GAREM1: variants seen among roughly 807,000 people sequenced by gnomAD.
GAREM1 encodes the protein GRB2 associated regulator of MAPK1 subtype 1, also known as GRB2-associated and regulator of MAPK protein 1.
Under a neutral mutation model 71.3 loss-of-function variants are expected in GAREM1, and 26 were observed. The ratio of observed to expected loss-of-function variants is 0.36; its 90% CI spans 0.27 to 0.51. The LOEUF is 0.51. GAREM1 is among the 20% of genes least tolerant of loss of function. GAREM1 has a pLI of 0.95. For synonymous variants in GAREM1, 440 were observed against 433.2 expected, an observed-to-expected ratio of 1.02 and a Z score of -0.20; for missense variants, 1,026 against 1,103.1, an observed-to-expected ratio of 0.93 and a Z score of 0.99.
At chr18:32,282,348 C>T (rs912195613) in intron 4 of GAREM1, among the ~76,000 whole-genome samples, 1 of 152,160 alleles carries the variant, frequency 6.6e-6, no homozygotes, top group Non-Finnish European at 1.5e-5. Flanking sequence ...ATCGCTTGAA[C>T]CCAGGAGGTG....
At chr18:32,275,827 T>A (rs1044633868) in intron 4 of GAREM1, among the ~76,000 whole-genome samples, 35 of 152,136 alleles carry the variant, frequency 2.3e-4, no homozygotes, top group African/African-American at 8.4e-4. Context: ...TACAAGCATG[T>A]ACCACCACGC....
chr18:32,311,965 T>C (rs1164469975), intron 2 of GAREM1, among the ~76,000 whole-genome samples: 2 of 152,184 alleles, frequency 1.3e-5, no homozygotes, highest in African/African-American at 2.4e-5. Flanking sequence ...AGGTATGACA[T>C]GGCAGGGGCT....
intron 1 of GAREM1, among the ~76,000 whole-genome samples, chr18:32,457,985 A>G (rs940597486): frequency 2.0e-5 from 3 of 152,066 alleles, no homozygotes; most frequent in Non-Finnish European, 1.5e-5. Context: ...ATGACATTCA[A>G]ACTATCACAT....
Position 32,336,167 on chromosome 18 carries a change from A to T in GAREM1, c.263-25844T>A, listed in dbSNP as rs188449648. ...TACAGTAGGCCGGGCACGGTGGCTC[A>T]CACCTGTAATCCTAGCACTTTGGGA... On this transcript the variant is annotated intron_variant, in intron 2 of 5. Transcript: ENST00000269209. Among the ~76,000 whole-genome samples, 40 of 152,322 alleles carry T rather than the reference A, an allele frequency of 2.6e-4. 2 individuals carry two copies. The Middle Eastern group carries it at 0.031, about 117-fold the overall frequency.
chr18:32,435,410 T>C (rs1568010477), intron 1 of GAREM1, among the ~76,000 whole-genome samples: 1 of 152,148 alleles, frequency 6.6e-6, no homozygotes, highest in Admixed American at 6.6e-5. Context: ...AAACTCTATT[T>C]TTCTAATTCC....
chr18:32,436,645 C>T (rs1008811359), intron 1 of GAREM1, among the ~76,000 whole-genome samples: 2 of 152,080 alleles, frequency 1.3e-5, no homozygotes, highest in Non-Finnish European at 1.5e-5. Context: ...AAGCATATCA[C>T]CTTATTTGTA....
At chr18:32,429,096 A>G (rs1344697313) in intron 1 of GAREM1, among the ~76,000 whole-genome samples, 2 of 152,166 alleles carry the variant, frequency 1.3e-5, no homozygotes, top group Non-Finnish European at 2.9e-5. Context: ...GGGAGGGGGA[A>G]CGGGCAAGGT....
chr18:32,363,084 T>G (rs1157553868), intron 2 of GAREM1, among the ~76,000 whole-genome samples: 2 of 152,192 alleles, frequency 1.3e-5, no homozygotes, highest in Non-Finnish European at 2.9e-5. Context: ...GGGTTTAGTT[T>G]TGAATCCAAA....
chr18:32,372,352 T>C (rs1199811928), intron 2 of GAREM1, among the ~76,000 whole-genome samples: 1 of 152,216 alleles, frequency 6.6e-6, no homozygotes, highest in African/African-American at 2.4e-5. Context: ...AATGCTTCTA[T>C]GTGACGCACA....
intron 2 of GAREM1, among the ~76,000 whole-genome samples, chr18:32,311,640 C>T (rs956656955): frequency 8.6e-5 from 13 of 152,038 alleles, no homozygotes; most frequent in African/African-American, 2.9e-4. Flanking sequence ...TTAGAGGTCT[C>T]GGAATTCTAA....
intron 2 of GAREM1, among the ~76,000 whole-genome samples, chr18:32,340,723 G>C (rs1005548738): frequency 6.6e-6 from 1 of 152,130 alleles, no homozygotes; most frequent in Non-Finnish European, 1.5e-5. Flanking sequence ...TGGATGCTAG[G>C]TACTTCCTAA....
chr18:32,469,012 T>C (rs1345707991), intron 1 of GAREM1, among the ~76,000 whole-genome samples: 1 of 112,616 alleles, frequency 8.9e-6, no homozygotes, highest in Non-Finnish European at 1.7e-5. Context: ...TGATCTGCAC[T>C]TCATTACTAG....
chr18:32,383,215 G>A (rs138226061), intron 2 of GAREM1, among the ~76,000 whole-genome samples: 65 of 152,282 alleles, frequency 4.3e-4, no homozygotes, highest in African/African-American at 1.4e-3. Context: ...ACACAGACAC[G>A]TCTGAATCAT....
intron 1 of GAREM1, chr18:32,412,916 C>T: frequency 1.0e-6 from 1 of 976,048 alleles, no homozygotes; most frequent in Non-Finnish European, 1.6e-6. Flanking sequence ...AGACAGCTCT[C>T]TTTGGTTCCA....
chr18:32,324,495 T>C (rs562342131), intron 2 of GAREM1, among the ~76,000 whole-genome samples: 1 of 152,272 alleles, frequency 6.6e-6, no homozygotes, highest in South Asian at 2.1e-4. Context: ...GAGATTTAGT[T>C]TTTAACCTGT....
intron 2 of GAREM1, among the ~76,000 whole-genome samples, chr18:32,361,871 T>C (rs2047869036): frequency 6.6e-6 from 1 of 152,332 alleles, no homozygotes; most frequent in Middle Eastern, 3.4e-3. Flanking sequence ...TTTGGAGACA[T>C]ATGTACCAGG....
rs758656351 is a variant in GAREM1 at position 32,267,961 on chromosome 18, C to G, written c.2541G>C (p.Thr847=). ...TGAAATCCTCTGAGAGGATTTCTTC[C>G]GTTAGCTGAACAAGCAGGTTCCCAT... ...KIDGNLLVQL[T]EEILSEDFKL... Residue 847 remains threonine, a synonymous_variant, in exon 6 of 6, where the codon ACG becomes ACC. Coordinates refer to ENST00000269209, the MANE Select transcript of GAREM1 (RefSeq NM_001242409.2). 2 of 1,613,634 alleles carry G rather than the reference C, an allele frequency of 1.2e-6. No homozygotes were observed. The highest frequency in any genetic ancestry group is 1.7e-6 in the Non-Finnish European group (2 of 1,179,616).
chr18:32,438,827 G>A (rs2048707292), intron 1 of GAREM1, among the ~76,000 whole-genome samples: 1 of 152,172 alleles, frequency 6.6e-6, no homozygotes, highest in African/African-American at 2.4e-5. Context: ...TAAGTAGTTA[G>A]CCCCTCAAGG....
intron 2 of GAREM1, among the ~76,000 whole-genome samples, chr18:32,344,572 T>G (rs2047676737): frequency 6.6e-6 from 1 of 152,194 alleles, no homozygotes; most frequent in African/African-American, 2.4e-5. Flanking sequence ...CAGTTTACTC[T>G]ATCTAGAAAT....
Sources: allele counts gnomAD v4.1 joint callset (sites outside exome capture counted in the v4.1 genomes callset), GRCh38; gene constraint gnomAD v4.1.1; transcripts MANE v1.5; gene names NCBI Gene and HGNC (gene_info 2026-07-23, HGNC 2026-07-21).